The following GFI1B variants were observed in gnomAD, a reference collection of about 807,000 sequenced individuals.
GFI1B encodes zinc finger protein Gfi-1b.
In GFI1B, 20 loss-of-function variants were observed where a neutral mutation model predicts 35.3. The observed-to-expected ratio is 0.57, with a 90% CI of 0.40 to 0.82. The LOEUF (loss-of-function observed/expected upper bound fraction) is 0.82. Among genes scored for constraint, GFI1B ranks in the 40% least tolerant of loss-of-function variants. GFI1B has a pLI of 0.00. For synonymous variants in GFI1B, 178 were observed against 177.6 expected, an observed-to-expected ratio of 1.00 and a Z score of -0.02; for missense variants, 430 against 446.3, an observed-to-expected ratio of 0.96 and a Z score of 0.33.
chr9:132,977,669 G>A (rs1225564072), upstream of GFI1B, among the ~76,000 whole-genome samples: 1 of 152,108 alleles, frequency 6.6e-6, no homozygotes, highest in Non-Finnish European at 1.5e-5. Context: ...GGGGCCAGAG[G>A]AGGAGGGAGA....
downstream of GFI1B, among the ~76,000 whole-genome samples, chr9:132,992,923 A>G (rs1011400227): frequency 6.6e-6 from 1 of 152,020 alleles, no homozygotes; most frequent in Non-Finnish European, 1.5e-5. Context: ...TCTCTAACCC[A>G]CACAACCTTC....
intron 1 of GFI1B, among the ~76,000 whole-genome samples, chr9:132,950,500 C>T (rs1848184498): frequency 6.7e-6 from 1 of 148,704 alleles, no homozygotes; most frequent in South Asian, 2.1e-4. Flanking sequence ...ACTTCAAGGT[C>T]AAAAGACAGG....
At position 132,950,525 on chromosome 9, in the gene GFI1B, G is replaced by A. The variant is rs1042355270; in HGVS notation, c.-701+4856G>A. Among the ~76,000 whole-genome samples the A allele has an allele frequency of 7.5e-4, 111 of 148,824 alleles. 1 individual carries two copies. Among genetic ancestry groups the A allele is most frequent in the African/African-American group, 2.7e-3 (109 of 39,808 alleles). On this transcript the variant is annotated intron_variant, in intron 1 of 10. Coordinates refer to the GFI1B transcript ENST00000339463. Reference sequence around the variant, plus strand: ...CAAAAGACAGGAACAGGCCAGGCTCGGTGGCTCACGCCTGTAATCCCAATC... The same window carrying A: ...CAAAAGACAGGAACAGGCCAGGCTCAGTGGCTCACGCCTGTAATCCCAATC...
intron 1 of GFI1B, among the ~76,000 whole-genome samples, chr9:132,980,762 A>G (rs1848796009): frequency 6.6e-6 from 1 of 152,204 alleles, no homozygotes; most frequent in Non-Finnish European, 1.5e-5. Context: ...AAGGAATCAC[A>G]CAGTATTTGT....
intron 1 of GFI1B, among the ~76,000 whole-genome samples, chr9:132,970,249 C>G (rs1848512949): frequency 1.3e-5 from 2 of 152,114 alleles, no homozygotes; most frequent in Non-Finnish European, 2.9e-5. Flanking sequence ...TCCAAGCCTC[C>G]CTGACCCAGA....
rs1439750359 is a variant in GFI1B at position 132,989,632 on chromosome 9, TC to T, written c.649-108del. On this transcript the variant is annotated intron_variant, in intron 5 of 6. Transcript: ENST00000372122. This position sits in a 1 kb window ranked among gnomAD's most constrained non-coding sequence, Gnocchi z 6.2. ...GAGGCAGAGATGAGGGGTCCCCCGG[TC>T]CTGCTCCTCCAGGCCGCCCCAATGG... 3 of 806,300 alleles carry T rather than the reference TC, an allele frequency of 3.7e-6. No individual in the cohort carries two copies. Among genetic ancestry groups the T allele is most frequent in the African/African-American group, 3.4e-5 (2 of 59,030 alleles). 49.9% of individuals were successfully genotyped at this position (806,300 alleles called of 1,614,324 possible).
At chr9:132,974,033 C>G (rs1260716122), upstream of GFI1B, among the ~76,000 whole-genome samples, 8 of 152,144 alleles carry the variant, frequency 5.3e-5, no homozygotes, top group African/African-American at 1.4e-4. Flanking sequence ...ACTGGGGTTC[C>G]TAGGCCCAGA....
chr9:132,946,435 T>C (rs1157266706), intron 1 of GFI1B, among the ~76,000 whole-genome samples: 1 of 152,208 alleles, frequency 6.6e-6, no homozygotes, highest in East Asian at 1.9e-4. Context: ...AAGTGCCAGC[T>C]GTCAGCATCC....
chr9:132,990,859 GC>G lies in GFI1B; in HGVS notation c.815-10del. 3.7e-6 allele frequency: 6 copies of G among 1,613,820 alleles called. No individual in the cohort carries two copies. In the African/African-American group the frequency reaches 5.3e-5, roughly 14 times the overall value. On this transcript the variant is annotated splice_polypyrimidine_tract_variant and intron_variant, in intron 6 of 6. Coordinates refer to ENST00000372122, the MANE Select transcript of GFI1B (RefSeq NM_001377304.1). ...GACCCCGCCCTTGCTGTGCTGCGCT[GC>G]CCTCCCTGCAGGTGAGAAGCCGCAC...
rs36015720 is a variant in GFI1B, at chr9:132,949,268, TACACACACACACACAC to T, written c.-701+3621_-701+3636del. ...CTGTGAATCAAGCCAAACCCACAGA[TACACACACACACACAC>T]ACACACACACACACACACACATCAA... On this transcript the variant is annotated intron_variant, in intron 1 of 10. Transcript: ENST00000339463. 4.4e-3 allele frequency among the ~76,000 whole-genome samples: 609 copies of T among 137,678 alleles called. 4 individuals are homozygous for T. Among genetic ancestry groups the T allele is most frequent in the African/African-American group, 0.015 (531 of 36,176 alleles). The allele number at this position is 137,678 out of a possible 152,430, so 90.3% of individuals were successfully genotyped here.
intron 3 of GFI1B, among the ~76,000 whole-genome samples, chr9:132,987,652 A>C (rs575049505): frequency 1.3e-5 from 2 of 152,250 alleles, no homozygotes; most frequent in African/African-American, 4.8e-5. Flanking sequence ...CGGTCCGTGC[A>C]GGGAGTGAGG....
At chr9:132,956,083 C>G (rs1221138042) in intron 1 of GFI1B, among the ~76,000 whole-genome samples, 2 of 152,188 alleles carry the variant, frequency 1.3e-5, no homozygotes, top group African/African-American at 4.8e-5. Context: ...TTTAAATGCT[C>G]ATCTCATCCA....
chr9:132,973,246 G>A (rs1848562384), intron 2 of GFI1B, among the ~76,000 whole-genome samples: 1 of 152,210 alleles, frequency 6.6e-6, no homozygotes, highest in Non-Finnish European at 1.5e-5. Context: ...CGTAGCCCCG[G>A]TGCCACCCGG....
intron 3 of GFI1B, 136 bp downstream of exon 3, chr9:132,987,555 T>TC: frequency 1.0e-6 from 1 of 986,568 alleles, no homozygotes; most frequent in Non-Finnish European, 1.5e-6. Context: ...GCCCGGGCTC[T>TC]GTGGCTTCTG....
rs7029881 is a variant in GFI1B at position 132,961,175 on chromosome 9, C to T, written c.-700-11550C>T. Among the ~76,000 whole-genome samples the T allele has an allele frequency of 4.3e-3, 655 of 152,116 alleles. 4 individuals carry two copies. Among genetic ancestry groups the T allele is most frequent in the African/African-American group, 0.015 (620 of 41,500 alleles). On this transcript the variant is annotated intron_variant, in intron 1 of 10. Transcript: ENST00000339463. ...TCTGTGTAATCAGGAGTGAAGAAAA[C>T]CTTTCTAAAAATGGCTGAACAGTCA... is the stretch of plus-strand genomic sequence containing the variant.
In GFI1B at chr9:132,989,078, C is replaced by T. The variant is rs138653823; in HGVS notation, c.528C>T (p.His176=). The T allele has an allele frequency of 9.3e-6, 15 of 1,614,058 alleles. No homozygotes were observed. The highest frequency in any genetic ancestry group is 5.0e-5 in the Admixed American group (3 of 60,034). Residue 176 remains histidine, a synonymous_variant, in exon 5 of 7, where the codon CAC becomes CAT. Coordinates refer to ENST00000372122, the MANE Select transcript of GFI1B (RefSeq NM_001377304.1). This position sits in a 1 kb window ranked among gnomAD's most constrained non-coding sequence, Gnocchi z 6.2. ...GCTCCCAGGTCTTCTCCACCCCTCA[C>T]GGGCTCGAAGTGCATGTGCGACGCT... is the stretch of plus-strand genomic sequence containing the variant. ...VKCNKVFSTP[H]GLEVHVRRSH...
intron 1 of GFI1B, among the ~76,000 whole-genome samples, chr9:132,958,620 C>T (rs1268628000): frequency 2.0e-5 from 3 of 152,210 alleles, no homozygotes; most frequent in Non-Finnish European, 4.4e-5. Context: ...TCCCACCAGA[C>T]CCCACCTCCA....
intron 1 of GFI1B, among the ~76,000 whole-genome samples, chr9:132,959,169 C>T (rs1048114243): frequency 1.3e-4 from 20 of 152,154 alleles, no homozygotes; most frequent in African/African-American, 4.8e-4. Context: ...CCATAATCCC[C>T]ATGTGTCATG....
intron 1 of GFI1B, among the ~76,000 whole-genome samples, chr9:132,985,189 C>A (rs1848998058): frequency 6.6e-6 from 1 of 152,192 alleles, no homozygotes; most frequent in Non-Finnish European, 1.5e-5. Context: ...CCCGGGGGAA[C>A]CTCACAGGCT....
Sources: gnomAD v4.1 joint callset for allele counts (sites outside exome capture counted in the v4.1 genomes callset) on GRCh38, gnomAD v4.1.1 for gene constraint, Gnocchi (gnomAD v3.1) non-coding constraint, MANE v1.5 for transcripts, NCBI Gene and HGNC (gene_info 2026-07-23, HGNC 2026-07-21) for gene names.